ADAMTS3: variants seen among roughly 807,000 people sequenced by gnomAD.
ADAMTS3 encodes ADAM metallopeptidase with thrombospondin type 1 motif 3.
Under a neutral mutation model 129.0 loss-of-function variants are expected in ADAMTS3, and 73 were observed. The observed-to-expected ratio is 0.57, with a 90% CI of 0.47 to 0.69. The LOEUF is 0.69. Ranked by LOEUF, ADAMTS3 falls within the 30% of genes least tolerant of loss-of-function variation. The pLI, the probability that ADAMTS3 is intolerant of heterozygous loss-of-function variation, is 0.00. For missense variants in ADAMTS3, 1,457 were observed against 1,514.5 expected, an observed-to-expected ratio of 0.96 and a Z score of 0.63; for synonymous variants, 477 against 510.8, an observed-to-expected ratio of 0.93 and a Z score of 0.89.
At chr4:72,438,350 C>T (rs1287040180) in intron 3 of ADAMTS3, among the ~76,000 whole-genome samples, 4 of 151,614 alleles carry the variant, frequency 2.6e-5, no homozygotes, top group Admixed American at 6.6e-5. Context: ...TTTCCAGTTA[C>T]GTTATGTTAG....
chr4:72,382,416 C>T (rs779559668), intron 4 of ADAMTS3, among the ~76,000 whole-genome samples: 2 of 151,924 alleles, frequency 1.3e-5, no homozygotes, highest in Non-Finnish European at 2.9e-5. Context: ...TGCTGGAAAC[C>T]ATGCAGAGAA....
At chr4:72,430,504 T>A (rs4379033) in intron 3 of ADAMTS3, among the ~76,000 whole-genome samples, 107,878 of 151,806 alleles carry the variant, frequency 0.71, 38,542 homozygotes, top group South Asian at 0.8. Flanking sequence ...AGCCATTCAA[T>A]TCACTCCCAG....
chr4:72,283,148 G>C lies in ADAMTS3; in HGVS notation c.3606C>G (p.Thr1202=), dbSNP rs142760293. ...IDNRRPTRSS[T]LER ...TTGGTTCACTTTCTCATCTTTCTAA[G>C]GTGGATGATCTTGTCGGACGTCTGT... Residue 1202 remains threonine, a synonymous_variant, in exon 22 of 22, where the codon ACC becomes ACG. Transcript: ENST00000286657. 39 of 1,605,740 alleles carry C rather than the reference G, an allele frequency of 2.4e-5. No individual in the cohort carries two copies. In the African/African-American group the frequency reaches 5.0e-4, roughly 20 times the overall value.
chr4:72,416,781 T>C (rs1442041681), intron 3 of ADAMTS3, among the ~76,000 whole-genome samples: 1 of 152,198 alleles, frequency 6.6e-6, no homozygotes, highest in African/African-American at 2.4e-5. Flanking sequence ...TATATTATGG[T>C]CATATTATTT....
intron 3 of ADAMTS3, among the ~76,000 whole-genome samples, chr4:72,528,643 G>A (rs1417661832): frequency 1.3e-5 from 2 of 151,876 alleles, no homozygotes; most frequent in Admixed American, 1.3e-4. Context: ...ACACTACTCA[G>A]GAGGATGGAA....
intron 3 of ADAMTS3, among the ~76,000 whole-genome samples, chr4:72,546,794 C>T (rs1468206761): frequency 6.6e-6 from 1 of 152,140 alleles, no homozygotes; most frequent in African/African-American, 2.4e-5. Flanking sequence ...TGCCAGGACT[C>T]TGTGGGAGAA....
intron 5 of ADAMTS3, among the ~76,000 whole-genome samples, chr4:72,327,712 C>T (rs1353048866): frequency 2.6e-5 from 4 of 152,092 alleles, no homozygotes; most frequent in Admixed American, 6.5e-5. Context: ...ACAATGCTGT[C>T]GTTATACATA....
At chr4:72,412,775 C>T (rs1722213437) in intron 4 of ADAMTS3, among the ~76,000 whole-genome samples, 1 of 151,958 alleles carries the variant, frequency 6.6e-6, no homozygotes, top group African/African-American at 2.4e-5. Flanking sequence ...GACCCATGAC[C>T]ATTGAAACTT....
At chr4:72,340,697 AAAG>A (rs140543649) in intron 4 of ADAMTS3, among the ~76,000 whole-genome samples, 2,155 of 152,260 alleles carry the variant, frequency 0.014, 24 homozygotes, top group Non-Finnish European at 0.025. Flanking sequence ...ACATGGAAAG[AAAG>A]AAGAAGAGAG....
chr4:72,366,562 C>T (rs1230225232), intron 4 of ADAMTS3, among the ~76,000 whole-genome samples: 2 of 152,112 alleles, frequency 1.3e-5, no homozygotes, highest in African/African-American at 4.8e-5. Context: ...TCACATTTAA[C>T]ATACGCTGTT....
intron 6 of ADAMTS3, among the ~76,000 whole-genome samples, chr4:72,321,394 G>C (rs1426791261): frequency 6.6e-6 from 1 of 151,738 alleles, no homozygotes; most frequent in Admixed American, 6.6e-5. Context: ...TGTTGGCCAG[G>C]CTGGTCACAA....
At chr4:72,529,711 T>C (rs960945222) in intron 3 of ADAMTS3, among the ~76,000 whole-genome samples, 3 of 110,302 alleles carry the variant, frequency 2.7e-5, no homozygotes. Flanking sequence ...TAATATTAAA[T>C]ATAATATATA....
Position 72,534,244 on chromosome 4 carries a change from G to A in ADAMTS3, c.504+14234C>T, listed in dbSNP as rs565211435. On this transcript the variant is annotated intron_variant, in intron 3 of 21. Transcript: ENST00000286657. Reference sequence around the variant, plus strand: ...CAGGAGGCTGAGGCAGGAGAATGGCGTGAACCCGGGTGGCGGAGTTTGCAG... The same window carrying A: ...CAGGAGGCTGAGGCAGGAGAATGGCATGAACCCGGGTGGCGGAGTTTGCAG... Among the ~76,000 whole-genome samples the A allele has an allele frequency of 4.6e-5, 7 of 152,086 alleles. No individual in the cohort carries two copies. The South Asian group carries it at 1.0e-3, about 23-fold the overall frequency.
intron 3 of ADAMTS3, among the ~76,000 whole-genome samples, chr4:72,474,191 A>G (rs1719161967): frequency 6.6e-6 from 1 of 152,342 alleles, no homozygotes; most frequent in Non-Finnish European, 1.5e-5. Context: ...AAGAACCTGG[A>G]AGATCTCAAA....
chr4:72,508,838 T>C (rs1446815304), intron 3 of ADAMTS3, among the ~76,000 whole-genome samples: 6 of 152,080 alleles, frequency 3.9e-5, no homozygotes, highest in African/African-American at 4.8e-5. Flanking sequence ...AGAATACACA[T>C]TCTTTTACTA....
chr4:72,288,066 A>G (rs1578552218), intron 21 of ADAMTS3, among the ~76,000 whole-genome samples: 1 of 152,064 alleles, frequency 6.6e-6, no homozygotes, highest in East Asian at 1.9e-4. Flanking sequence ...GGGTTTTACC[A>G]TGTTGTTCAG....
chr4:72,435,752 G>A (rs1722805466), intron 3 of ADAMTS3, among the ~76,000 whole-genome samples: 1 of 151,984 alleles, frequency 6.6e-6, no homozygotes, highest in African/African-American at 2.4e-5. Context: ...AGGAAATGGG[G>A]AAAGGATTTC....
chr4:72,445,862 G>A (rs187196506), intron 3 of ADAMTS3, among the ~76,000 whole-genome samples: 76 of 151,610 alleles, frequency 5.0e-4, no homozygotes, highest in Non-Finnish European at 9.1e-4. Flanking sequence ...ATAATAATTC[G>A]AAGAGAAGAT....
chr4:72,550,117 A>G (rs954147755), intron 2 of ADAMTS3, among the ~76,000 whole-genome samples: 3 of 144,894 alleles, frequency 2.1e-5, no homozygotes, highest in African/African-American at 7.6e-5. Context: ...AAGAAGAAGA[A>G]GGCATAGAAA....
Sources: gnomAD v4.1 joint callset for allele counts (sites outside exome capture counted in the v4.1 genomes callset) on GRCh38, gnomAD v4.1.1 for gene constraint, MANE v1.5 for transcripts, NCBI Gene and HGNC (gene_info 2026-07-23, HGNC 2026-07-21) for gene names.